ACTR10: variants seen among roughly 807,000 people sequenced by gnomAD.
ACTR10 encodes the protein actin related protein 10, also known as actin-related protein 10.
A neutral mutation model predicts 56.2 loss-of-function variants in ACTR10; 43 were observed. The ratio of observed to expected loss-of-function variants is 0.77; its 90% CI spans 0.60 to 0.99. ACTR10 has a LOEUF of 0.99. ACTR10 is among the 50% of genes least tolerant of loss of function. The pLI, the probability that ACTR10 is intolerant of heterozygous loss-of-function variation, is 0.00. For synonymous variants in ACTR10, 170 were observed against 176.3 expected, an observed-to-expected ratio of 0.96 and a Z score of 0.28; for missense variants, 466 against 507.8, an observed-to-expected ratio of 0.92 and a Z score of 0.79.
At chr14:58,212,551 A>G (rs1021207752) in intron 5 of ACTR10, among the ~76,000 whole-genome samples, 1 of 152,216 alleles carries the variant, frequency 6.6e-6, no homozygotes, top group African/African-American at 2.4e-5. Flanking sequence ...TTAATCAAGC[A>G]GTAGTGTTTT....
intron 7 of ACTR10, among the ~76,000 whole-genome samples, 186 bp downstream of exon 7, chr14:58,215,470 ATCCTT>A (rs1889111995): frequency 6.6e-6 from 1 of 152,142 alleles, no homozygotes; most frequent in South Asian, 2.1e-4. Flanking sequence ...GATTTTAGTC[ATCCTT>A]TCCAGAACTT....
At chr14:58,217,597 C>T (rs1032755399) in intron 7 of ACTR10, among the ~76,000 whole-genome samples, 4 of 149,132 alleles carry the variant, frequency 2.7e-5, no homozygotes, top group Non-Finnish European at 3.0e-5. Context: ...ACCTGGGAGG[C>T]GGAGATTGCA....
chr14:58,218,088 A>T (rs1245072534), intron 7 of ACTR10, among the ~76,000 whole-genome samples: 2 of 152,178 alleles, frequency 1.3e-5, no homozygotes, highest in Admixed American at 1.3e-4. Flanking sequence ...TAAACTCTTT[A>T]TTTCCAGGCC....
Position 58,219,723 on chromosome 14 carries a change from A to G in ACTR10, c.628A>G (p.Ile210Val), listed in dbSNP as rs1889219847. 3 of 1,525,266 alleles carry G rather than the reference A, an allele frequency of 2.0e-6. No individual in the cohort carries two copies. The highest frequency in any genetic ancestry group is 2.6e-6 in the Non-Finnish European group (3 of 1,135,582). The allele number at this position is 1,525,266 out of a possible 1,614,324, so 94.5% of individuals were successfully genotyped here. The change falls in exon 8 of 13, where the codon ATT (isoleucine) becomes GTT (valine). Residue 210 changes from isoleucine (I) to valine (V), a missense_variant. Transcript: ENST00000254286. The stretch of plus-strand genomic sequence containing the variant: ...AGTTCCGGAAGGTGTCTTAGAGGAC[A>G]TTAAAGGTAAACTAAGTTCTCATTT... ...GSVPEGVLED[I>V]KARTCFVSDL...
At position 58,234,356 on chromosome 14, in the gene ACTR10, T is replaced by A. The variant is rs574867440; in HGVS notation, c.1073-14T>A. ...GTTTTCATCTTAGCTATAAAAAATA[T>A]TTTTGTCACACAGGGGCTATTTTTG... On this transcript the variant is annotated splice_polypyrimidine_tract_variant and intron_variant, in intron 12 of 12. Coordinates refer to ENST00000254286, the MANE Select transcript of ACTR10 (RefSeq NM_018477.3). 6.5e-7 allele frequency: 1 copy of A among 1,527,706 alleles called. No homozygotes were observed. Among genetic ancestry groups the A allele is most frequent in the African/African-American group, 1.4e-5 (1 of 72,184 alleles). 94.6% of individuals were successfully genotyped at this position (1,527,706 alleles called of 1,614,324 possible). A position where few individuals can be genotyped will look rare whatever the true frequency, so the allele number is the denominator to read the frequency against.
At position 58,219,690 on chromosome 14, in the gene ACTR10, T is replaced by C; in HGVS notation, c.599-4T>C. Reference sequence around the variant, plus strand: ...TATAATTCTAAATGAAATATTTGTTTTAGGTTCAGTTCCGGAAGGTGTCTT... The same window carrying C: ...TATAATTCTAAATGAAATATTTGTTCTAGGTTCAGTTCCGGAAGGTGTCTT... On this transcript the variant is annotated splice_region_variant and splice_polypyrimidine_tract_variant and intron_variant, in intron 7 of 12. Coordinates refer to ENST00000254286, the MANE Select transcript of ACTR10 (RefSeq NM_018477.3). 1 of 1,489,756 alleles carries C rather than the reference T, an allele frequency of 6.7e-7. No homozygotes were observed. Among genetic ancestry groups the C allele is most frequent in the Non-Finnish European group, 9.0e-7 (1 of 1,113,440 alleles). The allele number at this position is 1,489,756 out of a possible 1,614,324, so 92.3% of individuals were successfully genotyped here. A position where few individuals can be genotyped will look rare whatever the true frequency, so the allele number is the denominator to read the frequency against.
At chr14:58,219,594 A>T in intron 7 of ACTR10, 100 bp from the exon 8 acceptor site, 1 of 729,404 alleles carries the variant, frequency 1.4e-6, no homozygotes, top group East Asian at 3.4e-5. Context: ...TTGTATTTTT[A>T]AAATTTTTTC....
rs67404166 is a variant in ACTR10 at position 58,207,020 on chromosome 14, AT to A, written c.151-895del. 684 of 124,596 alleles carry A rather than the reference AT, an allele frequency of 5.5e-3. 8 individuals are homozygous for A. The highest frequency in any genetic ancestry group is 0.017 in the African/African-American group (547 of 32,706). The allele number at this position is 124,596 out of a possible 1,614,324, so 7.7% of individuals were successfully genotyped here. A position where few individuals can be genotyped will look rare whatever the true frequency, so the allele number is the denominator to read the frequency against. ...TTTGATGCTTTTTATTCAATGCTGA[AT>A]TTTTTTTTTTTTTTTTTTTTGAGAC... is the stretch of plus-strand genomic sequence containing the variant. On this transcript the variant is annotated intron_variant, in intron 2 of 12. Coordinates refer to ENST00000254286, the MANE Select transcript of ACTR10 (RefSeq NM_018477.3).
rs566032988 is a variant in ACTR10, at chr14:58,215,360, C to G, written c.598+76C>G. 72 of 887,540 alleles carry G rather than the reference C, an allele frequency of 8.1e-5. No homozygotes were observed. The Admixed American group carries it at 8.7e-4, about 11-fold the overall frequency. 55.0% of individuals were successfully genotyped at this position (887,540 alleles called of 1,614,324 possible). On this transcript the variant is annotated intron_variant, in intron 7 of 12. Transcript: ENST00000254286. ...TTCAACTTGTATTTTAGTCTTTGCTCCATTGCATGATTATTCTCTTTTCTC... is the reference window on the plus strand; with the variant it reads ...TTCAACTTGTATTTTAGTCTTTGCTGCATTGCATGATTATTCTCTTTTCTC...
chr14:58,215,952 A>T (rs1301147570), intron 7 of ACTR10, among the ~76,000 whole-genome samples: 1 of 150,862 alleles, frequency 6.6e-6, no homozygotes, highest in Non-Finnish European at 1.5e-5. Flanking sequence ...AATCTCTTTC[A>T]GATCTCATTT....
chr14:58,231,307 C>T (rs183763340), intron 11 of ACTR10, among the ~76,000 whole-genome samples: 1 of 152,276 alleles, frequency 6.6e-6, no homozygotes, highest in African/African-American at 2.4e-5. Flanking sequence ...CTGTCTCGGC[C>T]TCCCAAAGGG....
At chr14:58,211,463 C>A in intron 5 of ACTR10, 64 bp downstream of exon 5, 1 of 1,157,758 alleles carries the variant, frequency 8.6e-7, no homozygotes, top group Non-Finnish European at 1.3e-6. Flanking sequence ...AATAATTAGG[C>A]TAATTATAAA....
intron 5 of ACTR10, among the ~76,000 whole-genome samples, chr14:58,211,606 C>T (rs117006460): frequency 0.023 from 3,450 of 152,188 alleles, 65 homozygotes; most frequent in Middle Eastern, 0.041. Flanking sequence ...CCAGGATATA[C>T]TCCAGGAGTA....
At chr14:58,218,779 A>C (rs1594809727) in intron 7 of ACTR10, among the ~76,000 whole-genome samples, 1 of 152,214 alleles carries the variant, frequency 6.6e-6, no homozygotes, top group East Asian at 1.9e-4. Context: ...TATTCTTATA[A>C]ATCAATGAAA....
chr14:58,221,127 A>G (rs1236514422), intron 8 of ACTR10, among the ~76,000 whole-genome samples: 1 of 151,886 alleles, frequency 6.6e-6, no homozygotes, highest in East Asian at 1.9e-4. Flanking sequence ...ACTAAAAAGT[A>G]CAAAAATTAG....
chr14:58,231,393 C>T (rs1303070999), intron 11 of ACTR10, among the ~76,000 whole-genome samples: 1 of 152,126 alleles, frequency 6.6e-6, no homozygotes, highest in Non-Finnish European at 1.5e-5. Flanking sequence ...TTATTTTGTA[C>T]CTAGTGTGGC....
Position 58,232,248 on chromosome 14 carries a change from TTG to T in ACTR10, c.1058_1059del (p.Val353GlyfsTer26), listed in dbSNP as rs774336386. The stretch of plus-strand genomic sequence containing the variant: ...TTCATACTCCACCTGCAAAAGCTAA[TTG>T]TGTGGCCTGGTTGGGAGGTAAGAAT... ...RIHTPPAKAN[C>X]VAWLGGAIFG... On this transcript the variant is annotated frameshift_variant, in exon 12 of 13. Transcript: ENST00000254286. LOFTEE classifies it high-confidence loss of function. The T allele has an allele frequency of 6.2e-7, 1 of 1,613,440 alleles. No individual in the cohort carries two copies.
At chr14:58,210,339 C>T (rs1282230014) in intron 4 of ACTR10, among the ~76,000 whole-genome samples, 1 of 151,956 alleles carries the variant, frequency 6.6e-6, no homozygotes, top group Non-Finnish European at 1.5e-5. Context: ...CTGCCAGTTA[C>T]AGTTCAATTA....
chr14:58,214,835 G>A (rs1354722740), intron 6 of ACTR10, among the ~76,000 whole-genome samples: 2 of 150,876 alleles, frequency 1.3e-5, no homozygotes, highest in East Asian at 2.0e-4. Flanking sequence ...GCTGGGTGTG[G>A]TGGCTCACAC....
Sources: allele counts gnomAD v4.1 joint callset (sites outside exome capture counted in the v4.1 genomes callset), GRCh38; gene constraint gnomAD v4.1.1; transcripts MANE v1.5; gene names NCBI Gene and HGNC (gene_info 2026-07-23, HGNC 2026-07-21).